Variants in CRIM1 observed in about 807,000 individuals in gnomAD.
CRIM1 encodes the protein cysteine-rich motor neuron 1 protein.
CRIM1 carries 32 observed loss-of-function variants against 116.4 expected under a neutral mutation model. That is an observed-to-expected ratio of 0.27 (90% CI 0.21 to 0.37). CRIM1 has a LOEUF of 0.37. CRIM1 is among the 10% of genes least tolerant of loss of function. CRIM1 has a pLI of 1.00. For missense variants in CRIM1, 1,331 were observed against 1,354.8 expected, an observed-to-expected ratio of 0.98 and a Z score of 0.28; for synonymous variants, 590 against 509.2, an observed-to-expected ratio of 1.16 and a Z score of -2.13.
intron 1 of CRIM1, chr2:36,379,171 A>G (rs1355384001): frequency 6.6e-6 from 1 of 152,008 alleles, no homozygotes; most frequent in Non-Finnish European, 1.5e-5. Flanking sequence ...TTTTTTTGTA[A>G]CTATGAAATC....
chr2:36,440,080 C>A (rs1295445167), intron 2 of CRIM1, among the ~76,000 whole-genome samples: 1 of 152,116 alleles, frequency 6.6e-6, no homozygotes, highest in Non-Finnish European at 1.5e-5. Flanking sequence ...GAGGAACAGG[C>A]ATGGTTTTAA....
In CRIM1 at chr2:36,356,232, G is replaced by A; in HGVS notation, c.-61G>A. On this transcript the variant is annotated 5_prime_UTR_variant, in exon 1 of 17. Coordinates refer to ENST00000280527, the MANE Select transcript of CRIM1 (RefSeq NM_016441.3). This position sits in a 1 kb window ranked among gnomAD's most constrained non-coding sequence, Gnocchi z 4.3. Reference sequence around the variant, plus strand: ...CGGCGGCGCGTGTGCCCCGCGCAGGGGAGGGCGCCCGCCCCGCTCCCGGCC... The same window carrying A: ...CGGCGGCGCGTGTGCCCCGCGCAGGAGAGGGCGCCCGCCCCGCTCCCGGCC... The A allele has an allele frequency of 9.9e-7, 1 of 1,008,046 alleles. No homozygotes were observed. Among genetic ancestry groups the A allele is most frequent in the Non-Finnish European group, 1.3e-6 (1 of 749,396 alleles). 62.4% of individuals were successfully genotyped at this position (1,008,046 alleles called of 1,614,324 possible).
intron 2 of CRIM1, among the ~76,000 whole-genome samples, chr2:36,429,381 G>A (rs927492250): frequency 4.6e-5 from 7 of 152,192 alleles, no homozygotes; most frequent in Non-Finnish European, 4.4e-5. Context: ...TGCTGTGGAA[G>A]CCTCAACAGT....
intron 1 of CRIM1, among the ~76,000 whole-genome samples, chr2:36,393,795 T>C (rs1022286490): frequency 1.3e-5 from 2 of 152,178 alleles, no homozygotes; most frequent in Non-Finnish European, 2.9e-5. Context: ...TCCTGCGTGT[T>C]TCTGGTAAGA....
rs1008566450 is a variant in CRIM1 at position 36,490,920 on chromosome 2, G to A, written c.1373-8299G>A. Among the ~76,000 whole-genome samples the A allele has an allele frequency of 2.6e-5, 4 of 152,232 alleles. 1 individual carries two copies. The East Asian group carries it at 5.8e-4, about 22-fold the overall frequency. ...GGCACCAGGATACCATCATCAGCAC[G>A]TGTGCATTCTGCTATGCACTCTTCC... On this transcript the variant is annotated intron_variant, in intron 7 of 16. Transcript: ENST00000280527.
intron 2 of CRIM1, among the ~76,000 whole-genome samples, chr2:36,438,673 G>C (rs901601890): frequency 6.6e-6 from 1 of 152,182 alleles, no homozygotes; most frequent in Non-Finnish European, 1.5e-5. Flanking sequence ...TGGTAAGAGG[G>C]AGCAGGGATG....
At chr2:36,431,755 C>G (rs543571344) in intron 2 of CRIM1, among the ~76,000 whole-genome samples, 1 of 152,178 alleles carries the variant, frequency 6.6e-6, no homozygotes, top group East Asian at 1.9e-4. Context: ...GAAGGGCTCT[C>G]AGAACATCTG....
At chr2:36,440,261 T>C (rs1035896776) in intron 2 of CRIM1, among the ~76,000 whole-genome samples, 1 of 152,246 alleles carries the variant, frequency 6.6e-6, no homozygotes, top group South Asian at 2.1e-4. Context: ...TTGGGTCTTA[T>C]CCTACTACCC....
At chr2:36,511,427 TC>T (rs1664670595) in intron 9 of CRIM1, among the ~76,000 whole-genome samples, 2 of 152,230 alleles carry the variant, frequency 1.3e-5, no homozygotes, top group African/African-American at 2.4e-5. Context: ...TCATCATCAT[TC>T]TTAATCCTAA....
intron 2 of CRIM1, among the ~76,000 whole-genome samples, chr2:36,405,225 A>G (rs181295419): frequency 3.3e-5 from 5 of 152,320 alleles, no homozygotes; most frequent in African/African-American, 1.2e-4. Flanking sequence ...CACCCAAGTA[A>G]ATGTGATCTG....
At chr2:36,368,583 A>C (rs1043130600) in intron 1 of CRIM1, among the ~76,000 whole-genome samples, 2 of 152,198 alleles carry the variant, frequency 1.3e-5, no homozygotes, top group Admixed American at 6.5e-5. Flanking sequence ...TGGTTATTAC[A>C]TTTTTTGCCA....
chr2:36,377,661 T>G (rs1273026628), intron 1 of CRIM1, among the ~76,000 whole-genome samples: 5 of 152,214 alleles, frequency 3.3e-5, no homozygotes, highest in East Asian at 1.9e-4. Flanking sequence ...ACACAGTAAA[T>G]GTACATTGTC....
chr2:36,514,556 T>C (rs527580766), intron 11 of CRIM1, among the ~76,000 whole-genome samples: 1 of 152,240 alleles, frequency 6.6e-6, no homozygotes, highest in Non-Finnish European at 1.5e-5. Flanking sequence ...AAGAGTAAAA[T>C]AGTATGTCCA....
intron 15 of CRIM1, among the ~76,000 whole-genome samples, chr2:36,545,512 AT>A (rs561695608): frequency 1.6e-3 from 241 of 152,250 alleles, no homozygotes; most frequent in Non-Finnish European, 3.1e-3. Flanking sequence ...CTAAAGAGAA[AT>A]TTTCTCATGC....
At chr2:36,424,456 T>A (rs1029278675) in intron 2 of CRIM1, among the ~76,000 whole-genome samples, 1 of 152,224 alleles carries the variant, frequency 6.6e-6, no homozygotes, top group Non-Finnish European at 1.5e-5. Flanking sequence ...TGGGTGAATG[T>A]TGGGGAAGAG....
intron 8 of CRIM1, among the ~76,000 whole-genome samples, chr2:36,508,675 A>C (rs969906249): frequency 2.6e-5 from 4 of 152,224 alleles, no homozygotes; most frequent in African/African-American, 4.8e-5. Context: ...ACAGGTCTCA[A>C]CTTGCTTGCT....
chr2:36,486,617 G>A (rs1318640503), intron 7 of CRIM1, among the ~76,000 whole-genome samples: 1 of 152,104 alleles, frequency 6.6e-6, no homozygotes, highest in Non-Finnish European at 1.5e-5. Flanking sequence ...GAAGTGGCGT[G>A]CAAGGGGGTG....
chr2:36,523,607 G>A (rs890629186), intron 13 of CRIM1, among the ~76,000 whole-genome samples: 6 of 152,212 alleles, frequency 3.9e-5, no homozygotes, highest in South Asian at 4.1e-4. Context: ...ACAATGACAC[G>A]TCTTAATCAG....
At position 36,544,379 on chromosome 2, in the gene CRIM1, T is replaced by C. The variant is rs1451377179; in HGVS notation, c.2627T>C (p.Met876Thr). Reference sequence around the variant, plus strand: ...GAAAAATGTTCCCTTCTTTTAGAAATGTATGTCCCAGAACCAACCAATATA... The same window carrying C: ...GAAAAATGTTCCCTTCTTTTAGAAACGTATGTCCCAGAACCAACCAATATA... ...EGSCCPMCPEMYVPEPTNIPI... is the reference protein window; with the variant it reads ...EGSCCPMCPETYVPEPTNIPI... The change falls in exon 15 of 17, where the codon ATG becomes ACG. Residue 876 changes from methionine (M) to threonine (T), a missense_variant. Physicochemically the swap from Met to Thr is moderately conservative, Grantham distance 81 (BLOSUM62 -1). Transcript: ENST00000280527. 3 of 1,348,306 alleles carry C rather than the reference T, an allele frequency of 2.2e-6. No homozygotes were observed. The highest frequency in any genetic ancestry group is 2.9e-6 in the Non-Finnish European group (3 of 1,040,140). 83.5% of individuals were successfully genotyped at this position (1,348,306 alleles called of 1,614,324 possible). A position where few individuals can be genotyped will look rare whatever the true frequency, so the allele number is the denominator to read the frequency against.
Sources: allele counts gnomAD v4.1 joint callset (sites outside exome capture counted in the v4.1 genomes callset), GRCh38; gene constraint gnomAD v4.1.1; non-coding constraint Gnocchi (gnomAD v3.1); transcripts MANE v1.5; gene names NCBI Gene and HGNC (gene_info 2026-07-23, HGNC 2026-07-21).